The following LINGO2 variants were observed in gnomAD, a reference collection of about 807,000 sequenced individuals.
LINGO2 encodes the protein leucine-rich repeat and immunoglobulin-like domain-containing nogo receptor-interacting protein 2.
In LINGO2, 14 loss-of-function variants were observed where a neutral mutation model predicts 30.6. That is an observed-to-expected ratio of 0.46 (90% confidence interval 0.30 to 0.72). LINGO2 has a LOEUF of 0.72. Ranked by LOEUF, LINGO2 falls within the 30% of genes least tolerant of loss-of-function variation. The pLI is 0.07. For missense variants in LINGO2, 729 were observed against 751.7 expected, an observed-to-expected ratio of 0.97 and a Z score of 0.35; for synonymous variants, 317 against 288.5, an observed-to-expected ratio of 1.10 and a Z score of -1.00.
chr9:28,203,887 A>G, intron 4 of LINGO2, among the ~76,000 whole-genome samples: 1 of 152,316 alleles, frequency 6.6e-6, no homozygotes, highest in African/African-American at 2.4e-5. Flanking sequence ...TACATGATCA[A>G]TATGTTTGGG....
At chr9:27,955,856 A>C (rs1819536106) in intron 5 of LINGO2, among the ~76,000 whole-genome samples, 1 of 151,778 alleles carries the variant, frequency 6.6e-6, no homozygotes, top group Non-Finnish European at 1.5e-5. Context: ...TTTCCCAAAG[A>C]GATTATGCCA....
chr9:28,277,295 C>T (rs1283155078), intron 4 of LINGO2, among the ~76,000 whole-genome samples: 2 of 152,064 alleles, frequency 1.3e-5, no homozygotes, highest in Admixed American at 6.6e-5. Flanking sequence ...TTTGGGGTGA[C>T]ACAAATCGTA....
At chr9:29,089,479 G>A in the LINGO2 span, among the ~76,000 whole-genome samples, 13 of 151,952 alleles carry the variant, frequency 8.6e-5, no homozygotes, top group Non-Finnish European at 1.9e-4. Context: ...GCAGAACAAG[G>A]AAACGATGCA....
At chr9:29,120,138 A>C in the LINGO2 span, among the ~76,000 whole-genome samples, 2 of 152,204 alleles carry the variant, frequency 1.3e-5, no homozygotes, top group Non-Finnish European at 2.9e-5. Context: ...GAGAAATGCC[A>C]ATATCCAAGG....
At chr9:28,306,860 C>G (rs1209552168) in intron 3 of LINGO2, among the ~76,000 whole-genome samples, 1 of 152,132 alleles carries the variant, frequency 6.6e-6, no homozygotes, top group Admixed American at 6.5e-5. Flanking sequence ...ACACATACAC[C>G]TTCCCAAGAT....
At chr9:28,515,276 G>A (rs959969815) in intron 1 of LINGO2, among the ~76,000 whole-genome samples, 5 of 147,334 alleles carry the variant, frequency 3.4e-5, no homozygotes, top group African/African-American at 7.6e-5. Context: ...GTGCAATCTC[G>A]GCTCACTGCA....
At chr9:28,562,259 G>A (rs1823126202) in intron 1 of LINGO2, among the ~76,000 whole-genome samples, 1 of 151,900 alleles carries the variant, frequency 6.6e-6, no homozygotes. Context: ...AAGGAACGAT[G>A]ATTATTAGAG....
At chr9:28,883,618 A>ATGTG in the LINGO2 span, among the ~76,000 whole-genome samples, 9,180 of 36,134 alleles carry the variant, frequency 0.25, 2,279 homozygotes, top group Non-Finnish European at 0.36. Flanking sequence ...TATATAAAAT[A>ATGTG]TGTGTGTGTG....
intron 4 of LINGO2, among the ~76,000 whole-genome samples, chr9:28,108,633 G>C (rs781069889): frequency 6.6e-6 from 1 of 152,038 alleles, no homozygotes; most frequent in Non-Finnish European, 1.5e-5. Flanking sequence ...TGTTAGGTTT[G>C]TTCAGAGTAA....
chr9:28,153,384 G>T (rs1828050470), intron 4 of LINGO2, among the ~76,000 whole-genome samples: 1 of 152,010 alleles, frequency 6.6e-6, no homozygotes, highest in Non-Finnish European at 1.5e-5. Flanking sequence ...TCTATATGCA[G>T]CAATAAAAAT....
downstream of LINGO2, among the ~76,000 whole-genome samples, chr9:27,944,652 C>T (rs1307532188): frequency 6.6e-6 from 1 of 151,994 alleles, no homozygotes; most frequent in Non-Finnish European, 1.5e-5. Flanking sequence ...CTCCCAAAGC[C>T]AACGGTGGAA....
At chr9:28,188,660 C>T (rs1819631206) in intron 4 of LINGO2, among the ~76,000 whole-genome samples, 1 of 152,134 alleles carries the variant, frequency 6.6e-6, no homozygotes, top group African/African-American at 2.4e-5. Flanking sequence ...CCTAGACATT[C>T]TTATGTTTTC....
At chr9:28,881,385 A>G in the LINGO2 span, among the ~76,000 whole-genome samples, 1 of 152,098 alleles carries the variant, frequency 6.6e-6, no homozygotes. Flanking sequence ...CAGCCTCCCA[A>G]AGTGCTGGAA....
chr9:29,153,535 C>A, the LINGO2 span, among the ~76,000 whole-genome samples: 1 of 152,038 alleles, frequency 6.6e-6, no homozygotes, highest in Admixed American at 6.6e-5. Flanking sequence ...GAAATACATG[C>A]CCTTGCAAAT....
chr9:28,744,794 G>A, the LINGO2 span, among the ~76,000 whole-genome samples: 1 of 151,568 alleles, frequency 6.6e-6, no homozygotes, highest in African/African-American at 2.4e-5. Context: ...GTGCCACCAT[G>A]CCCAGCTAAT....
the LINGO2 span, among the ~76,000 whole-genome samples, chr9:28,868,303 T>C: frequency 1.3e-5 from 2 of 152,132 alleles, no homozygotes; most frequent in African/African-American, 4.8e-5. Context: ...TAGTTCACTG[T>C]CAAAGATCAT....
intron 4 of LINGO2, among the ~76,000 whole-genome samples, chr9:28,015,408 T>TG (rs1587693386): frequency 1.3e-5 from 2 of 152,232 alleles, no homozygotes; most frequent in Admixed American, 1.3e-4. Context: ...AATAATGTAT[T>TG]GAGGAGTTTT....
chr9:28,947,418 T>G, the LINGO2 span, among the ~76,000 whole-genome samples: 1 of 152,104 alleles, frequency 6.6e-6, no homozygotes, highest in Non-Finnish European at 1.5e-5. Context: ...TCTGAACTTC[T>G]GTTTCTGCAT....
chr9:29,109,871 CAGATCATAATCTTTCAGCAAATGGCCA>C, the LINGO2 span, among the ~76,000 whole-genome samples: 1 of 152,200 alleles, frequency 6.6e-6, no homozygotes, highest in Non-Finnish European at 1.5e-5. Context: ...AGCCTGCTAA[CAGATCATAATCTTTCAGCAAATGGCCA>C]AGGTGCTGCC....
Sources: allele counts gnomAD v4.1 joint callset (sites outside exome capture counted in the v4.1 genomes callset), GRCh38; gene constraint gnomAD v4.1.1; transcripts MANE v1.5; gene names NCBI Gene and HGNC (gene_info 2026-07-23, HGNC 2026-07-21).